The following PLCB4 variants were observed in gnomAD, a reference collection of about 807,000 sequenced individuals.
PLCB4 encodes the protein phospholipase C beta 4.
A neutral mutation model predicts 178.8 loss-of-function variants in PLCB4; 77 were observed. The observed-to-expected ratio is 0.43, with a 90% CI of 0.36 to 0.52. The LOEUF is 0.52. Ranked by LOEUF, PLCB4 falls within the 20% of genes least tolerant of loss-of-function variation. PLCB4 has a pLI of 0.00. For missense variants in PLCB4, 1,024 were observed against 1,453.4 expected, an observed-to-expected ratio of 0.70 and a Z score of 4.80; for synonymous variants, 496 against 490.8, an observed-to-expected ratio of 1.01 and a Z score of -0.14.
intron 19 of PLCB4, among the ~76,000 whole-genome samples, chr20:9,396,806 G>A (rs6140930): frequency 0.21 from 32,597 of 152,114 alleles, 3,732 homozygotes; most frequent in East Asian, 0.4. Context: ...TTCAATAACA[G>A]CATTATGTCC....
intron 7 of PLCB4, among the ~76,000 whole-genome samples, chr20:9,341,076 C>CTATA (rs1258887830): frequency 7.9e-5 from 12 of 152,142 alleles, no homozygotes; most frequent in African/African-American, 2.4e-4. Context: ...TTCTCATGCC[C>CTATA]TATATGCTGC....
At position 9,421,450 on chromosome 20, in the gene PLCB4, G is replaced by A; in HGVS notation, c.2308G>A (p.Val770Ile). ...TCCAGTTTACAATGAAGAGTCATTT[G>A]TATTTCGGAAGGTAGGACATTTTCA... ...LNPVYNEESF[V>I]FRKVILPDLA... The change falls in exon 27 of 40, where the codon GTA (valine) becomes ATA (isoleucine). Residue 770 changes from valine (V) to isoleucine (I), a missense_variant. Val to Ile is a conservative substitution (Grantham distance 29). Transcript: ENST00000378473. 1 of 1,612,782 alleles carries A rather than the reference G, an allele frequency of 6.2e-7. No homozygotes were observed. The highest frequency in any genetic ancestry group is 8.5e-7 in the Non-Finnish European group (1 of 1,179,234).
rs775425719 is a variant in PLCB4, at chr20:9,395,662, C to T, written c.1510+44C>T. ...TTTTAAGTTACATGCTTTGAAAATACTTTTTAAATAAGAAAACCAGGCTGG... is the reference window on the plus strand; with the variant it reads ...TTTTAAGTTACATGCTTTGAAAATATTTTTTAAATAAGAAAACCAGGCTGG... On this transcript the variant is annotated intron_variant, in intron 19 of 39. Transcript: ENST00000378473. The T allele has an allele frequency of 3.6e-6, 5 of 1,394,924 alleles. No homozygotes were observed. In the East Asian group the frequency reaches 9.2e-5, roughly 26 times the overall value. The allele number at this position is 1,394,924 out of a possible 1,614,324, so 86.4% of individuals were successfully genotyped here.
intron 7 of PLCB4, among the ~76,000 whole-genome samples, chr20:9,350,136 G>A (rs1263677073): frequency 6.6e-6 from 1 of 151,444 alleles, no homozygotes; most frequent in East Asian, 1.9e-4. Context: ...TTTTTGAAGC[G>A]ATGTTTAAAA....
chr20:9,446,139 C>T (rs1379986032), intron 32 of PLCB4, among the ~76,000 whole-genome samples: 1 of 152,152 alleles, frequency 6.6e-6, no homozygotes, highest in East Asian at 1.9e-4. Context: ...TAAGACTCTA[C>T]CCTGTAAGGT....
intron 3 of PLCB4, among the ~76,000 whole-genome samples, chr20:9,268,036 C>A (rs894374291): frequency 6.6e-6 from 1 of 152,154 alleles, no homozygotes; most frequent in African/African-American, 2.4e-5. Flanking sequence ...GATGCAGCTG[C>A]CTGACTTGGG....
chr20:9,164,450 C>A (rs953895107), intron 2 of PLCB4, among the ~76,000 whole-genome samples: 1 of 152,006 alleles, frequency 6.6e-6, no homozygotes. Flanking sequence ...TCTTCTGAAT[C>A]ATTTTTTAAG....
chr20:9,304,959 C>T (rs1568555622), intron 3 of PLCB4, among the ~76,000 whole-genome samples: 1 of 151,174 alleles, frequency 6.6e-6, no homozygotes, highest in East Asian at 1.9e-4. Context: ...CATATGTATA[C>T]ATGTGCCATG....
At chr20:9,215,733 G>T (rs928248047) in intron 2 of PLCB4, among the ~76,000 whole-genome samples, 2 of 152,130 alleles carry the variant, frequency 1.3e-5, no homozygotes, top group African/African-American at 4.8e-5. Flanking sequence ...TCTCCTTTTA[G>T]TACTGGTCCC....
chr20:9,122,850 A>T (rs564771621), intron 2 of PLCB4, among the ~76,000 whole-genome samples: 1 of 152,248 alleles, frequency 6.6e-6, no homozygotes, highest in South Asian at 2.1e-4. Context: ...TTGCAGTTTA[A>T]AAGCCAACAT....
At chr20:9,317,740 A>G (rs185316167) in intron 4 of PLCB4, among the ~76,000 whole-genome samples, 4 of 152,348 alleles carry the variant, frequency 2.6e-5, no homozygotes, top group African/African-American at 7.2e-5. Context: ...AAATTAAAAT[A>G]TAAGTGTAAG....
At chr20:9,118,674 C>G (rs925989931) in intron 2 of PLCB4, among the ~76,000 whole-genome samples, 1 of 151,884 alleles carries the variant, frequency 6.6e-6, no homozygotes, top group African/African-American at 2.4e-5. Flanking sequence ...AGAACAATGC[C>G]TGAGACACAG....
intron 1 of PLCB4, among the ~76,000 whole-genome samples, chr20:9,086,089 T>C (rs1235955678): frequency 6.6e-6 from 1 of 152,186 alleles, no homozygotes; most frequent in Non-Finnish European, 1.5e-5. Context: ...ATGATATAAA[T>C]TAAATTATCA....
At chr20:9,319,290 A>G (rs1386598549) in intron 4 of PLCB4, among the ~76,000 whole-genome samples, 1 of 152,080 alleles carries the variant, frequency 6.6e-6, no homozygotes, top group Non-Finnish European at 1.5e-5. Flanking sequence ...ACTTCTTTAA[A>G]CCTGTGCAAT....
chr20:9,301,797 G>A (rs553928438), intron 3 of PLCB4, among the ~76,000 whole-genome samples: 12 of 152,098 alleles, frequency 7.9e-5, no homozygotes, highest in East Asian at 1.9e-4. Context: ...CTTGTCCCCC[G>A]CTTCCAAAGT....
At chr20:9,378,014 T>C (rs2036821114) in intron 12 of PLCB4, among the ~76,000 whole-genome samples, 1 of 152,126 alleles carries the variant, frequency 6.6e-6, no homozygotes, top group Admixed American at 6.5e-5. Flanking sequence ...TTCTAGCAAG[T>C]TGACAGGTGT....
chr20:9,113,961 C>T (rs1251712103), intron 2 of PLCB4, among the ~76,000 whole-genome samples: 1 of 152,156 alleles, frequency 6.6e-6, no homozygotes, highest in Non-Finnish European at 1.5e-5. Context: ...CGCCTGTAAT[C>T]CCAGCACTTT....
At chr20:9,453,249 A>G (rs1328850800) in intron 32 of PLCB4, 98 bp from the exon 33 acceptor site, 2 of 699,258 alleles carry the variant, frequency 2.9e-6, no homozygotes, top group Non-Finnish European at 5.0e-6. Context: ...GACTTTCTAA[A>G]TGAAGACTCT....
At chr20:9,335,125 T>A (rs1213727309) in intron 4 of PLCB4, among the ~76,000 whole-genome samples, 2 of 152,180 alleles carry the variant, frequency 1.3e-5, no homozygotes, top group East Asian at 3.8e-4. Flanking sequence ...GTACACTGTG[T>A]ACCAAAATTC....
Sources: allele counts gnomAD v4.1 joint callset (sites outside exome capture counted in the v4.1 genomes callset), GRCh38; gene constraint gnomAD v4.1.1; transcripts MANE v1.5; gene names NCBI Gene and HGNC (gene_info 2026-07-23, HGNC 2026-07-21).